The following TRPS1 variants were observed in gnomAD, a reference collection of about 807,000 sequenced individuals.
The protein encoded by TRPS1 is transcriptional repressor GATA binding 1, also known as zinc finger transcription factor Trps1.
TRPS1 carries 6 observed loss-of-function variants against 101.2 expected under a neutral mutation model. The observed-to-expected ratio is 0.06, with a 90% CI of 0.03 to 0.12. The LOEUF is 0.12. Ranked by LOEUF, TRPS1 falls within the 10% of genes least tolerant of loss-of-function variation. The pLI is 1.00. For missense variants in TRPS1, 1,363 were observed against 1,567.0 expected (o/e 0.87, Z 2.20); for synonymous variants, 578 against 589.8 (o/e 0.98, Z 0.29).
At chr8:115,598,409 G>A (rs1442696462) in intron 4 of TRPS1, among the ~76,000 whole-genome samples, 1 of 152,106 alleles carries the variant, frequency 6.6e-6, no homozygotes, top group Non-Finnish European at 1.5e-5. Context: ...CTGGGCTTAA[G>A]TGATCCTCCC....
chr8:115,546,581 G>GAC (rs71287285), intron 5 of TRPS1, among the ~76,000 whole-genome samples: 6,523 of 147,852 alleles, frequency 0.044, 325 homozygotes, highest in African/African-American at 0.13. Context: ...TGTAAAATGT[G>GAC]ACACACACAC....
rs372285081 is a variant in TRPS1, at chr8:115,642,285, T to C, written c.-121-18527A>G. ...ATACACACATACACATTCAAGACAC[T>C]ACATACATAATAGTCATATATCCGA... On this transcript the variant is annotated intron_variant, in intron 1 of 6. Coordinates refer to ENST00000395715, the MANE Select transcript of TRPS1 (RefSeq NM_014112.5). Among the ~76,000 whole-genome samples the C allele has an allele frequency of 6.4e-5, 9 of 139,722 alleles. No individual in the cohort carries two copies. The East Asian group carries it at 1.9e-3, about 30-fold the overall frequency. 91.7% of individuals were successfully genotyped at this position (139,722 alleles called of 152,430 possible).
At chr8:115,467,567 G>C (rs1206947482) in intron 5 of TRPS1, among the ~76,000 whole-genome samples, 1 of 152,100 alleles carries the variant, frequency 6.6e-6, no homozygotes. Context: ...CCAGGAGCCA[G>C]GACAGAGAAT....
intron 1 of TRPS1, among the ~76,000 whole-genome samples, chr8:115,656,401 C>T (rs1811677387): frequency 6.6e-6 from 1 of 152,080 alleles, no homozygotes; most frequent in Admixed American, 6.6e-5. Context: ...TAATTTTTAA[C>T]CCTGTGTCTG....
intron 5 of TRPS1, among the ~76,000 whole-genome samples, chr8:115,489,797 A>G (rs991919345): frequency 1.3e-5 from 2 of 152,158 alleles, no homozygotes; most frequent in African/African-American, 2.4e-5. Flanking sequence ...AATCATTTTT[A>G]TAAAGATATT....
chr8:115,603,862 C>G lies in TRPS1; in HGVS notation c.2096+11G>C, dbSNP rs754841326. 3 of 1,613,866 alleles carry G rather than the reference C, an allele frequency of 1.9e-6. No individual in the cohort carries two copies. Among genetic ancestry groups the G allele is most frequent in the South Asian group, 1.1e-5 (1 of 91,066 alleles). Reference sequence around the variant, plus strand: ...TGTATATTCCTCCCGACCCCACCCCCCATGCCTCACCTGTAGTGTCGGGAA... The same window carrying G: ...TGTATATTCCTCCCGACCCCACCCCGCATGCCTCACCTGTAGTGTCGGGAA... On this transcript the variant is annotated intron_variant, in intron 4 of 6. Coordinates refer to ENST00000395715, the MANE Select transcript of TRPS1 (RefSeq NM_014112.5).
chr8:115,535,845 T>G (rs1336008179), intron 5 of TRPS1, among the ~76,000 whole-genome samples: 1 of 151,918 alleles, frequency 6.6e-6, no homozygotes, highest in Non-Finnish European at 1.5e-5. Context: ...TTAAAGTTAG[T>G]GCTTCATCTC....
At chr8:115,472,320 C>T (rs1341703639) in intron 5 of TRPS1, among the ~76,000 whole-genome samples, 1 of 152,170 alleles carries the variant, frequency 6.6e-6, no homozygotes, top group Non-Finnish European at 1.5e-5. Flanking sequence ...GGGCTTGCAC[C>T]CTCTGAAGCA....
intron 3 of TRPS1, among the ~76,000 whole-genome samples, chr8:115,609,413 C>T (rs1200230438): frequency 2.6e-5 from 4 of 152,196 alleles, no homozygotes; most frequent in African/African-American, 9.6e-5. Context: ...TATATTCCTT[C>T]TTGAGCTACA....
chr8:115,639,042 A>G (rs188358571), intron 1 of TRPS1, among the ~76,000 whole-genome samples: 1 of 152,258 alleles, frequency 6.6e-6, no homozygotes, highest in Admixed American at 6.5e-5. Context: ...TGCACAGATC[A>G]ATTCAATCAC....
intron 5 of TRPS1, among the ~76,000 whole-genome samples, chr8:115,484,429 T>C (rs979029427): frequency 1.2e-4 from 18 of 152,170 alleles, no homozygotes; most frequent in African/African-American, 3.9e-4. Context: ...GTCCCCATGA[T>C]AGAAGTAATA....
At chr8:115,438,976 C>T (rs1563731703) in intron 5 of TRPS1, among the ~76,000 whole-genome samples, 1 of 152,174 alleles carries the variant, frequency 6.6e-6, no homozygotes, top group Non-Finnish European at 1.5e-5. Flanking sequence ...TTCAGTCATG[C>T]ATTTTTCTAT....
chr8:115,491,432 G>A (rs913482097), intron 5 of TRPS1, among the ~76,000 whole-genome samples: 7 of 152,028 alleles, frequency 4.6e-5, no homozygotes, highest in Non-Finnish European at 1.0e-4. Context: ...TGTCTTTTTA[G>A]CTTTGGCTTA....
At position 115,518,391 on chromosome 8, in the gene TRPS1, A is replaced by T. The variant is rs545187597; in HGVS notation, c.2700+68610T>A. On this transcript the variant is annotated intron_variant, in intron 5 of 6. Transcript: ENST00000395715. ...TATGATTAGGTGATCAAAAAGCAAA[A>T]ATACAAAAATGTGAGAGAAAAAGAT... is the stretch of plus-strand genomic sequence containing the variant. Among the ~76,000 whole-genome samples the T allele has an allele frequency of 5.9e-5, 9 of 151,954 alleles. No individual in the cohort carries two copies. In the South Asian group the frequency reaches 1.9e-3, roughly 31 times the overall value.
intron 5 of TRPS1, among the ~76,000 whole-genome samples, chr8:115,546,796 A>G (rs1210390801): frequency 6.6e-6 from 1 of 152,216 alleles, no homozygotes; most frequent in Non-Finnish European, 1.5e-5. Flanking sequence ...AAGCAACTTT[A>G]GTTAAAATTT....
chr8:115,668,051 G>C (rs1001051065), intron 1 of TRPS1: 1 of 694,256 alleles, frequency 1.4e-6, no homozygotes, highest in Admixed American at 2.7e-5. Flanking sequence ...GGGGCTGCGA[G>C]GGGGAGGGGG....
chr8:115,647,193 A>G (rs896443875), intron 1 of TRPS1, among the ~76,000 whole-genome samples: 1 of 152,162 alleles, frequency 6.6e-6, no homozygotes. Context: ...TAGCTCAGTC[A>G]TTGCAAAATA....
rs1263186501 is a variant in TRPS1 at position 115,409,771 on chromosome 8, A to G, written c.*4252T>C. On this transcript the variant is annotated 3_prime_UTR_variant, in exon 7 of 7. Transcript: ENST00000395715. ...TTCTCATTTGCAGTTGCCTGCTGAT[A>G]GAATTCCACCTAACAGTACCTACCT... The G allele has an allele frequency of 1.3e-5, 2 of 152,296 alleles. No homozygotes were observed. The highest frequency in any genetic ancestry group is 6.6e-5 in the Admixed American group (1 of 15,246). The allele number at this position is 152,296 out of a possible 1,614,324, so 9.4% of individuals were successfully genotyped here. A position where few individuals can be genotyped will look rare whatever the true frequency, so the allele number is the denominator to read the frequency against.
intron 5 of TRPS1, among the ~76,000 whole-genome samples, chr8:115,507,106 C>CT (rs1815464315): frequency 6.6e-6 from 1 of 152,054 alleles, no homozygotes; most frequent in Admixed American, 6.6e-5. Flanking sequence ...GTTCTACTGT[C>CT]TGTCTGCAAA....
Sources: allele counts gnomAD v4.1 joint callset (sites outside exome capture counted in the v4.1 genomes callset), GRCh38; gene constraint gnomAD v4.1.1; transcripts MANE v1.5; gene names NCBI Gene and HGNC (gene_info 2026-07-23, HGNC 2026-07-21).